PTPRT: variants seen among roughly 807,000 people sequenced by gnomAD.
PTPRT encodes the protein receptor-type tyrosine-protein phosphatase T.
A neutral mutation model predicts 176.8 loss-of-function variants in PTPRT; 56 were observed. That is an observed-to-expected ratio of 0.32 (90% CI 0.26 to 0.40). PTPRT has a LOEUF of 0.40. PTPRT is among the 10% of genes least tolerant of loss of function. The probability of loss-of-function intolerance (pLI) is 1.00; values close to 1 mark genes in which losing one functional copy is unlikely to be tolerated. For missense variants in PTPRT, 1,540 were observed against 1,908.2 expected, an observed-to-expected ratio of 0.81 and a Z score of 3.60; for synonymous variants, 783 against 739.0, an observed-to-expected ratio of 1.06 and a Z score of -0.96.
chr20:42,360,542 G>T (rs569005378), intron 9 of PTPRT, among the ~76,000 whole-genome samples: 1 of 152,310 alleles, frequency 6.6e-6, no homozygotes, highest in South Asian at 2.1e-4. Flanking sequence ...CTATGATTTT[G>T]TTATTTTCAC....
intron 1 of PTPRT, among the ~76,000 whole-genome samples, chr20:43,135,358 G>A (rs1270982629): frequency 2.0e-5 from 3 of 152,188 alleles, no homozygotes; most frequent in Non-Finnish European, 4.4e-5. Context: ...GTTTCTGACA[G>A]ATGTTCATGA....
intron 7 of PTPRT, among the ~76,000 whole-genome samples, chr20:42,604,564 TG>T (rs1234083174): frequency 1.3e-5 from 2 of 152,084 alleles, no homozygotes; most frequent in African/African-American, 4.8e-5. Flanking sequence ...CTAATGTGGG[TG>T]GCTATGGTGA....
At position 42,626,615 on chromosome 20, in the gene PTPRT, T is replaced by A. The variant is rs748592322; in HGVS notation, c.1153+51251A>T. The stretch of plus-strand genomic sequence containing the variant: ...TGCCTTGACCAGCCCCAGCTAGGCC[T>A]CTTTAGTTGCAAGATTCCAAGAAGT... On this transcript the variant is annotated intron_variant, in intron 7 of 30. Transcript: ENST00000373187. Among the ~76,000 whole-genome samples, 13 of 152,156 alleles carry A rather than the reference T, an allele frequency of 8.5e-5. 1 individual carries two copies. The highest frequency in any genetic ancestry group is 1.5e-4 in the Non-Finnish European group (10 of 68,022).
At chr20:42,243,874 A>G (rs2056402322) in intron 14 of PTPRT, among the ~76,000 whole-genome samples, 2 of 152,230 alleles carry the variant, frequency 1.3e-5, no homozygotes, top group African/African-American at 4.8e-5. Flanking sequence ...GAATATTAAA[A>G]TCAGAGTATA....
intron 7 of PTPRT, among the ~76,000 whole-genome samples, chr20:42,672,870 G>T (rs1055081340): frequency 2.0e-5 from 3 of 152,166 alleles, no homozygotes; most frequent in African/African-American, 7.2e-5. Context: ...CTTGTGCTAC[G>T]CCCAAGCTTG....
At chr20:42,470,623 G>A (rs540828724) in intron 8 of PTPRT, among the ~76,000 whole-genome samples, 23 of 152,166 alleles carry the variant, frequency 1.5e-4, no homozygotes, top group South Asian at 4.1e-4. Flanking sequence ...TGGAACTGGC[G>A]AATTCTATGC....
chr20:42,845,565 C>A (rs546592642), intron 2 of PTPRT, among the ~76,000 whole-genome samples: 1 of 152,236 alleles, frequency 6.6e-6, no homozygotes, highest in South Asian at 2.1e-4. Context: ...CCTGGACTCT[C>A]CTTGTTGAGA....
intron 7 of PTPRT, among the ~76,000 whole-genome samples, chr20:42,640,750 G>C (rs1466091825): frequency 6.6e-6 from 1 of 152,114 alleles, no homozygotes; most frequent in African/African-American, 2.4e-5. Context: ...ATTAGTGGAA[G>C]ACTTAAATCT....
intron 15 of PTPRT, among the ~76,000 whole-genome samples, chr20:42,225,253 CCTCT>C (rs141254394): frequency 1.9e-4 from 28 of 151,098 alleles, no homozygotes; most frequent in South Asian, 1.5e-3. Context: ...TCTCCTCTCT[CCTCT>C]CTCTCTCTCT....
intron 27 of PTPRT, among the ~76,000 whole-genome samples, chr20:42,095,627 CTTG>C (rs2146194725): frequency 6.6e-6 from 1 of 152,358 alleles, no homozygotes; most frequent in Non-Finnish European, 1.5e-5. Context: ...ACCCTGCCTT[CTTG>C]TTTGCCTTTT....
chr20:42,523,013 T>C (rs970728710), intron 7 of PTPRT, among the ~76,000 whole-genome samples: 2 of 152,218 alleles, frequency 1.3e-5, no homozygotes, highest in East Asian at 1.9e-4. Flanking sequence ...CTTAATTTCA[T>C]TGTTTATTCC....
chr20:42,575,765 G>T (rs890243530), intron 7 of PTPRT, among the ~76,000 whole-genome samples: 1 of 152,038 alleles, frequency 6.6e-6, no homozygotes, highest in Admixed American at 6.6e-5. Flanking sequence ...AAGGCCTGTC[G>T]ATGTTACCTT....
chr20:42,712,644 C>A (rs748744366), intron 6 of PTPRT, among the ~76,000 whole-genome samples: 36 of 152,122 alleles, frequency 2.4e-4, no homozygotes, highest in Non-Finnish European at 4.7e-4. Flanking sequence ...AGGTGATTTC[C>A]AGCTTAAAAT....
chr20:42,568,413 C>A (rs1568983978), intron 7 of PTPRT, among the ~76,000 whole-genome samples: 1 of 152,036 alleles, frequency 6.6e-6, no homozygotes, highest in South Asian at 2.1e-4. Flanking sequence ...AATTGAGGAG[C>A]AGAGAGAACA....
chr20:42,110,710 C>T (rs1399517689), intron 22 of PTPRT, among the ~76,000 whole-genome samples: 1 of 152,206 alleles, frequency 6.6e-6, no homozygotes, highest in African/African-American at 2.4e-5. Flanking sequence ...CAGGATTTCT[C>T]AGAGTCTTGA....
intron 13 of PTPRT, among the ~76,000 whole-genome samples, chr20:42,254,826 G>A (rs2056609639): frequency 6.6e-6 from 1 of 152,086 alleles, no homozygotes; most frequent in Admixed American, 6.5e-5. Context: ...TGGCTTCCTG[G>A]ATGCACAACT....
chr20:42,522,601 T>C (rs1322764092), intron 7 of PTPRT, among the ~76,000 whole-genome samples: 2 of 151,982 alleles, frequency 1.3e-5, no homozygotes, highest in Non-Finnish European at 2.9e-5. Context: ...GCTGGGACTA[T>C]AGGTGTGTGC....
intron 7 of PTPRT, among the ~76,000 whole-genome samples, chr20:42,597,043 G>A (rs77658959): frequency 0.05 from 7,596 of 152,184 alleles, 679 homozygotes; most frequent in African/African-American, 0.17. Context: ...TGGGTTCTCC[G>A]CTCAAGGTCC....
chr20:42,292,972 C>G (rs2057339497), intron 12 of PTPRT, among the ~76,000 whole-genome samples: 1 of 152,192 alleles, frequency 6.6e-6, no homozygotes, highest in African/African-American at 2.4e-5. Context: ...CAGTAACCAA[C>G]AGTGAGTGGC....
Sources: allele counts gnomAD v4.1 joint callset (sites outside exome capture counted in the v4.1 genomes callset), GRCh38; gene constraint gnomAD v4.1.1; transcripts MANE v1.5; gene names NCBI Gene and HGNC (gene_info 2026-07-23, HGNC 2026-07-21).